The following THSD7B variants were observed in gnomAD, a reference collection of about 807,000 sequenced individuals.
The protein encoded by THSD7B is thrombospondin type 1 domain containing 7B, also known as thrombospondin type-1 domain-containing protein 7B.
In THSD7B, 138 loss-of-function variants were observed where a neutral mutation model predicts 213.6. That is an observed-to-expected ratio of 0.65 (90% CI 0.56 to 0.74). THSD7B has a LOEUF of 0.74. THSD7B is among the 30% of genes least tolerant of loss of function. THSD7B has a pLI of 0.00. For synonymous variants in THSD7B, 742 were observed against 687.0 expected, an observed-to-expected ratio of 1.08 and a Z score of -1.25; for missense variants, 1,931 against 1,991.5, an observed-to-expected ratio of 0.97 and a Z score of 0.58.
At chr2:137,296,888 A>T (rs1470309268) in intron 12 of THSD7B, among the ~76,000 whole-genome samples, 1 of 151,800 alleles carries the variant, frequency 6.6e-6, no homozygotes, top group Non-Finnish European at 1.5e-5. Context: ...GTCCATTGTG[A>T]TACACTCAGT....
intron 15 of THSD7B, among the ~76,000 whole-genome samples, chr2:137,529,890 AT>A (rs1407923007): frequency 1.3e-5 from 2 of 152,058 alleles, no homozygotes; most frequent in East Asian, 3.9e-4. Context: ...CAAGCGGATG[AT>A]GATTCAATTA....
chr2:137,655,661 G>T lies in THSD7B; in HGVS notation c.4105+1G>T. ...CAGCTGTGTTCTGTGCCTTGCCCAG[G>T]TATGCAATGCTAGTGATTGGGAGCG... On this transcript the variant is annotated splice_donor_variant, in intron 22 of 27. Transcript: ENST00000409968. LOFTEE classifies it high-confidence loss of function. 1 of 1,611,950 alleles carries T rather than the reference G, an allele frequency of 6.2e-7. No homozygotes were observed. The highest frequency in any genetic ancestry group is 8.5e-7 in the Non-Finnish European group (1 of 1,178,992).
intron 5 of THSD7B, among the ~76,000 whole-genome samples, chr2:137,146,438 T>C (rs895993997): frequency 4.6e-5 from 7 of 152,082 alleles, no homozygotes; most frequent in African/African-American, 1.7e-4. Context: ...AAGTCTTGCC[T>C]CAGCCGTTTA....
intron 10 of THSD7B, among the ~76,000 whole-genome samples, chr2:137,265,795 C>G (rs1417134791): frequency 6.6e-6 from 1 of 152,136 alleles, no homozygotes; most frequent in East Asian, 1.9e-4. Context: ...TATAATGTGT[C>G]GTACAAACCA....
At chr2:137,616,364 A>G (rs1169314155) in intron 18 of THSD7B, 48 bp downstream of exon 18, 1 of 1,562,892 alleles carries the variant, frequency 6.4e-7, no homozygotes, top group African/African-American at 1.4e-5. Flanking sequence ...ACATTGACTA[A>G]TGAGAGAATT....
intron 5 of THSD7B, among the ~76,000 whole-genome samples, chr2:137,118,423 T>C (rs1688482916): frequency 6.6e-6 from 1 of 152,192 alleles, no homozygotes; most frequent in Non-Finnish European, 1.5e-5. Flanking sequence ...TCAACAAATA[T>C]AAATTTAAGT....
chr2:137,316,392 C>A (rs1684099617), intron 12 of THSD7B, among the ~76,000 whole-genome samples: 1 of 152,242 alleles, frequency 6.6e-6, no homozygotes, highest in African/African-American at 2.4e-5. Context: ...GAGTTCCCCT[C>A]CCTCATTTTT....
intron 1 of THSD7B, among the ~76,000 whole-genome samples, chr2:136,831,129 C>CTTTTTTTTT (rs776235166): frequency 8.3e-6 from 1 of 119,886 alleles, no homozygotes; most frequent in Non-Finnish European, 1.7e-5. Context: ...CCTGTAGAAT[C>CTTTTTTTTT]TTTTTTTTTT....
intron 17 of THSD7B, among the ~76,000 whole-genome samples, chr2:137,601,329 G>C (rs12613709): frequency 0.023 from 3,544 of 152,240 alleles, 79 homozygotes; most frequent in East Asian, 0.078. Flanking sequence ...CTCCATCTGT[G>C]CTAAGTGACC....
chr2:136,860,996 G>A (rs997479280), intron 1 of THSD7B, among the ~76,000 whole-genome samples: 17 of 152,228 alleles, frequency 1.1e-4, no homozygotes, highest in South Asian at 8.3e-4. Context: ...AGATAGCTGC[G>A]TAGCTCACTT....
At chr2:137,062,026 G>C (rs971649701) in intron 3 of THSD7B, among the ~76,000 whole-genome samples, 4 of 151,730 alleles carry the variant, frequency 2.6e-5, no homozygotes, top group African/African-American at 9.7e-5. Flanking sequence ...TCTTTTAACA[G>C]ATTTAGGACT....
At chr2:137,476,791 C>T (rs375063206) in intron 15 of THSD7B, among the ~76,000 whole-genome samples, 7 of 152,136 alleles carry the variant, frequency 4.6e-5, no homozygotes, top group Admixed American at 6.5e-5. Context: ...CCACCCACTT[C>T]GACCTCCCAA....
chr2:136,981,877 C>T (rs866593109), intron 2 of THSD7B, among the ~76,000 whole-genome samples: 4 of 152,152 alleles, frequency 2.6e-5, no homozygotes, highest in African/African-American at 9.7e-5. Flanking sequence ...TCAGGGAGAA[C>T]GTTGTGTTGC....
At chr2:137,508,827 A>G (rs911620955) in intron 15 of THSD7B, among the ~76,000 whole-genome samples, 34 of 152,038 alleles carry the variant, frequency 2.2e-4, no homozygotes, top group African/African-American at 8.2e-4. Context: ...CCCTGTGCCT[A>G]GAATCGTCCA....
intron 14 of THSD7B, among the ~76,000 whole-genome samples, chr2:137,420,057 C>T (rs1281335958): frequency 6.6e-6 from 1 of 151,988 alleles, no homozygotes; most frequent in African/African-American, 2.4e-5. Flanking sequence ...ATTTACATTC[C>T]CACTAACAGT....
chr2:137,633,085 C>T (rs1221256687), intron 20 of THSD7B, among the ~76,000 whole-genome samples: 1 of 152,158 alleles, frequency 6.6e-6, no homozygotes. Flanking sequence ...TTTTCCTCCA[C>T]TCTGCTATAC....
At chr2:136,796,005 TA>T (rs1682055304) in intron 1 of THSD7B, among the ~76,000 whole-genome samples, 1 of 151,982 alleles carries the variant, frequency 6.6e-6, no homozygotes, top group Non-Finnish European at 1.5e-5. Context: ...CATACACACA[TA>T]ATCATATCTT....
chr2:137,067,346 A>G (rs1687401661), intron 3 of THSD7B, among the ~76,000 whole-genome samples: 1 of 152,068 alleles, frequency 6.6e-6, no homozygotes. Flanking sequence ...TTGGAGGTAC[A>G]CTGTGTTTGC....
chr2:137,072,833 A>C (rs938499514), intron 3 of THSD7B, among the ~76,000 whole-genome samples: 8 of 152,138 alleles, frequency 5.3e-5, no homozygotes, highest in Non-Finnish European at 2.9e-5. Flanking sequence ...AATTTTGTCA[A>C]AGGCCTTTTC....
Sources: allele counts gnomAD v4.1 joint callset (sites outside exome capture counted in the v4.1 genomes callset), GRCh38; gene constraint gnomAD v4.1.1; transcripts MANE v1.5; gene names NCBI Gene and HGNC (gene_info 2026-07-23, HGNC 2026-07-21).